The following LARGE1 variants were observed in gnomAD, a reference collection of about 807,000 sequenced individuals.
LARGE1 encodes xylosyl- and glucuronyltransferase LARGE1.
Under a neutral mutation model 87.6 loss-of-function variants are expected in LARGE1, and 43 were observed. That is an observed-to-expected ratio of 0.49 (90% CI 0.38 to 0.63). The LOEUF is 0.63. Ranked by LOEUF, LARGE1 falls within the 30% of genes least tolerant of loss-of-function variation. LARGE1 has a pLI of 0.00. For synonymous variants in LARGE1, 434 were observed against 394.6 expected (o/e 1.10, Z -1.18); for missense variants, 802 against 1,000.2 (o/e 0.80, Z 2.67).
At chr22:33,545,051 T>C (rs2077317227) in intron 6 of LARGE1, among the ~76,000 whole-genome samples, 3 of 152,084 alleles carry the variant, frequency 2.0e-5, no homozygotes, top group Non-Finnish European at 1.5e-5. Flanking sequence ...AAACACAGTA[T>C]ATCATGAGGA....
the LARGE1 span, among the ~76,000 whole-genome samples, chr22:33,078,216 C>T: frequency 6.6e-6 from 1 of 152,162 alleles, no homozygotes; most frequent in South Asian, 2.1e-4. Flanking sequence ...TAGAGTCCTG[C>T]AGCTTTACAG....
Position 33,474,299 on chromosome 22 carries a change from G to T in LARGE1, c.788-42034C>A, listed in dbSNP as rs201275472. ...CTGCCTCAGCCTCCCAAGTAGCTGG[G>T]ATTATAGGCATGCACCACCATGCCT... On this transcript the variant is annotated intron_variant, in intron 6 of 14. Coordinates refer to ENST00000397394, the MANE Select transcript of LARGE1 (RefSeq NM_133642.5). 4.3e-4 allele frequency among the ~76,000 whole-genome samples: 65 copies of T among 152,298 alleles called. 1 individual carries two copies. In the East Asian group the frequency reaches 9.8e-3, roughly 23 times the overall value.
At chr22:33,769,583 C>A (rs1233203877) in intron 1 of LARGE1, among the ~76,000 whole-genome samples, 1 of 152,160 alleles carries the variant, frequency 6.6e-6, no homozygotes, top group Non-Finnish European at 1.5e-5. Flanking sequence ...ACACGATACC[C>A]CTCAGCCCAC....
At chr22:33,391,484 A>G (rs1261297754) in intron 7 of LARGE1, among the ~76,000 whole-genome samples, 1 of 152,100 alleles carries the variant, frequency 6.6e-6, no homozygotes, top group African/African-American at 2.4e-5. Flanking sequence ...TTAAGGATAA[A>G]AAAGGTTATA....
At chr22:33,548,040 T>TA (rs1262192601) in intron 6 of LARGE1, among the ~76,000 whole-genome samples, 1 of 152,140 alleles carries the variant, frequency 6.6e-6, no homozygotes, top group Non-Finnish European at 1.5e-5. Context: ...CAAGGACTCT[T>TA]ACATGGTTTG....
At chr22:33,921,486 GGA>G (rs2065950042), upstream of LARGE1, among the ~76,000 whole-genome samples, 1 of 152,068 alleles carries the variant, frequency 6.6e-6, no homozygotes, top group African/African-American at 2.4e-5. This position sits in a 1 kb window ranked among gnomAD's most constrained non-coding sequence, Gnocchi z 4.1. Flanking sequence ...GTGAGAAGTA[GGA>G]AGTTTCCCCG....
At chr22:33,208,381 G>A (rs1924788597) in intron 11 of LARGE1, among the ~76,000 whole-genome samples, 1 of 152,170 alleles carries the variant, frequency 6.6e-6, no homozygotes, top group Non-Finnish European at 1.5e-5. Flanking sequence ...CGTCTTCAAA[G>A]CTGCTTGGGT....
the LARGE1 span, among the ~76,000 whole-genome samples, chr22:33,121,357 G>A: frequency 6.6e-6 from 1 of 152,162 alleles, no homozygotes; most frequent in Non-Finnish European, 1.5e-5. Context: ...CATAGAGAGT[G>A]AAAGGTTTGG....
chr22:33,701,827 C>T (rs777167824), intron 2 of LARGE1, among the ~76,000 whole-genome samples: 2 of 152,192 alleles, frequency 1.3e-5, no homozygotes, highest in Non-Finnish European at 2.9e-5. Flanking sequence ...AGGGAAGCAA[C>T]ATGGCAGTCC....
chr22:33,166,711 T>C (rs986094697), exon 12 of LARGE1: 98 of 470,110 alleles, frequency 2.1e-4, no homozygotes, highest in African/African-American at 1.8e-3. Flanking sequence ...AAATTAGGGC[T>C]CATGAAGAAC....
At chr22:33,803,055 C>T (rs1189086942) in intron 1 of LARGE1, among the ~76,000 whole-genome samples, 1 of 152,094 alleles carries the variant, frequency 6.6e-6, no homozygotes, top group Non-Finnish European at 1.5e-5. Context: ...ACGACGGATA[C>T]CAAGGAAGAT....
chr22:33,315,941 T>C (rs1413246658), intron 11 of LARGE1, 144 bp downstream of exon 11: 1 of 979,710 alleles, frequency 1.0e-6, no homozygotes, highest in African/African-American at 1.6e-5. Flanking sequence ...GCTTCAATAT[T>C]CTAAGCCCAT....
intron 11 of LARGE1, among the ~76,000 whole-genome samples, chr22:33,230,311 T>C (rs992104684): frequency 6.6e-6 from 1 of 152,090 alleles, no homozygotes; most frequent in Non-Finnish European, 1.5e-5. Flanking sequence ...TGAGCCACCA[T>C]GCCTGGCCTC....
chr22:33,755,185 T>C (rs548622106), intron 2 of LARGE1, among the ~76,000 whole-genome samples: 2 of 152,328 alleles, frequency 1.3e-5, no homozygotes, highest in African/African-American at 2.4e-5. Flanking sequence ...GGGTTCATGT[T>C]GATAAAAATG....
chr22:33,336,344 G>A (rs973704709), intron 10 of LARGE1, among the ~76,000 whole-genome samples: 3 of 152,082 alleles, frequency 2.0e-5, no homozygotes, highest in East Asian at 1.9e-4. Flanking sequence ...GGGATTATAG[G>A]TGCCTGCCAC....
intron 3 of LARGE1, among the ~76,000 whole-genome samples, chr22:33,637,598 T>C (rs1359701837): frequency 2.4e-5 from 2 of 83,254 alleles, no homozygotes; most frequent in Non-Finnish European, 5.0e-5. Context: ...TTGTAGCTTT[T>C]TACTTCTTCT....
intron 7 of LARGE1, among the ~76,000 whole-genome samples, chr22:33,391,753 ATTTCCTT>A (rs1292741250): frequency 1.5e-5 from 2 of 133,792 alleles, no homozygotes; most frequent in African/African-American, 2.7e-5. Context: ...TCCACAGGTT[ATTTCCTT>A]TTTCCTTTTT....
chr22:33,485,498 T>C (rs543135393), intron 6 of LARGE1, among the ~76,000 whole-genome samples: 1 of 152,118 alleles, frequency 6.6e-6, no homozygotes, highest in Non-Finnish European at 1.5e-5. Context: ...AGTTCATTTT[T>C]TTAAATAAAA....
intron 7 of LARGE1, among the ~76,000 whole-genome samples, chr22:33,408,007 G>A (rs999489493): frequency 1.1e-4 from 16 of 149,334 alleles, no homozygotes; most frequent in African/African-American, 3.9e-4. Context: ...TTGAGACGGA[G>A]TCTTTTTCTG....
Sources: gnomAD v4.1 joint callset for allele counts (sites outside exome capture counted in the v4.1 genomes callset) on GRCh38, gnomAD v4.1.1 for gene constraint, Gnocchi (gnomAD v3.1) non-coding constraint, MANE v1.5 for transcripts, NCBI Gene and HGNC (gene_info 2026-07-23, HGNC 2026-07-21) for gene names.